DNAI4: variants seen among roughly 807,000 people sequenced by gnomAD.
DNAI4 encodes the protein dynein axonemal intermediate chain 4.
In DNAI4, 85 loss-of-function variants were observed where a neutral mutation model predicts 105.8. The ratio of observed to expected loss-of-function variants is 0.80; its 90% CI spans 0.67 to 0.96. The LOEUF is 0.96. DNAI4 is among the 40% of genes least tolerant of loss of function. DNAI4 has a pLI of 0.00. For synonymous variants in DNAI4, 352 were observed against 331.5 expected (o/e 1.06, Z -0.67); for missense variants, 1,014 against 1,005.6 (o/e 1.01, Z -0.11).
In DNAI4 at chr1:66,822,472, G is replaced by A. The variant is rs1049381362; in HGVS notation, c.2385C>T (p.Phe795=). The change falls in exon 16 of 17, where the codon TTC becomes TTT. Residue 795 remains phenylalanine, a synonymous_variant. Coordinates refer to ENST00000371026, the MANE Select transcript of DNAI4 (RefSeq NM_024763.5). ...IVNTANPGIK[F]TTILFAKQTD... Reference sequence around the variant, plus strand: ...TTTGTTTGGCAAAGAGAATGGTTGTGAACTTGATTCCAGGGTTAGCAGTAT... The same window carrying A: ...TTTGTTTGGCAAAGAGAATGGTTGTAAACTTGATTCCAGGGTTAGCAGTAT... 3 of 1,612,672 alleles carry A rather than the reference G, an allele frequency of 1.9e-6. No individual in the cohort carries two copies. The South Asian group carries it at 3.3e-5, about 18-fold the overall frequency.
At chr1:66,896,832 C>T (rs1265339738) in intron 2 of DNAI4, among the ~76,000 whole-genome samples, 1 of 152,086 alleles carries the variant, frequency 6.6e-6, no homozygotes, top group South Asian at 2.1e-4. Context: ...ATAAATTACC[C>T]AGTATCAGGT....
At chr1:66,904,505 T>C (rs1370094897) in intron 2 of DNAI4, among the ~76,000 whole-genome samples, 4 of 152,170 alleles carry the variant, frequency 2.6e-5, no homozygotes. Context: ...TTAGCTCAAG[T>C]ATTTTGCTAA....
chr1:66,848,250 G>C (rs1386994975), intron 7 of DNAI4: 1 of 456,050 alleles, frequency 2.2e-6, no homozygotes, highest in Non-Finnish European at 4.4e-6. Flanking sequence ...TTCAAAGACA[G>C]CAACATTGAT....
chr1:66,862,932 G>T (rs1052645442), intron 6 of DNAI4, among the ~76,000 whole-genome samples: 6 of 152,110 alleles, frequency 3.9e-5, no homozygotes, highest in African/African-American at 1.4e-4. Flanking sequence ...ACAGGTATTT[G>T]CAAGCATCTG....
Position 66,890,923 on chromosome 1 carries a change from A to C in DNAI4, c.643+231T>G. ...CAGCAACAGCAGCAGCAGAAGCAGCAGCTGAGCTCTAACACAAAGCGCCAT... is the reference window on the plus strand; with the variant it reads ...CAGCAACAGCAGCAGCAGAAGCAGCCGCTGAGCTCTAACACAAAGCGCCAT... On this transcript the variant is annotated intron_variant, in intron 4 of 16. Coordinates refer to ENST00000371026, the MANE Select transcript of DNAI4 (RefSeq NM_024763.5). The surrounding 1 kb of genome is among the most constrained non-coding windows in gnomAD (Gnocchi z 4.1). 1.8e-6 allele frequency: 1 copy of C among 544,682 alleles called. No individual in the cohort carries two copies. 33.7% of individuals were successfully genotyped at this position (544,682 alleles called of 1,614,324 possible). A position where few individuals can be genotyped will look rare whatever the true frequency, so the allele number is the denominator to read the frequency against.
chr1:66,823,801 G>C (rs566973719), intron 15 of DNAI4, among the ~76,000 whole-genome samples: 1 of 150,294 alleles, frequency 6.7e-6, no homozygotes, highest in Non-Finnish European at 1.5e-5. Context: ...TGTAGATTCC[G>C]GATATTAGCC....
intron 7 of DNAI4, among the ~76,000 whole-genome samples, chr1:66,857,667 TG>T (rs558823992): frequency 3.8e-4 from 57 of 151,990 alleles, no homozygotes; most frequent in Admixed American, 2.0e-3. Context: ...CCCGAATAGC[TG>T]GGATTACAGG....
intron 1 of DNAI4, among the ~76,000 whole-genome samples, chr1:66,918,375 CA>C (rs1190407560): frequency 6.6e-6 from 1 of 152,128 alleles, no homozygotes; most frequent in Non-Finnish European, 1.5e-5. Flanking sequence ...TTCTTGGCCA[CA>C]AGTCTTCAAA....
chr1:66,921,467 A>C (rs1650472103), intron 1 of DNAI4: 1 of 152,228 alleles, frequency 6.6e-6, no homozygotes, highest in South Asian at 2.1e-4. Flanking sequence ...TTGTCTGTGA[A>C]ACTTCGTTTT....
At chr1:66,824,489 T>C (rs1195395651) in intron 15 of DNAI4, among the ~76,000 whole-genome samples, 1 of 152,066 alleles carries the variant, frequency 6.6e-6, no homozygotes, top group Admixed American at 6.5e-5. Flanking sequence ...AATCTGTAAA[T>C]TACCTTGGGC....
At chr1:66,889,796 C>T (rs1380433809) in intron 4 of DNAI4, among the ~76,000 whole-genome samples, 1 of 152,136 alleles carries the variant, frequency 6.6e-6, no homozygotes, top group African/African-American at 2.4e-5. Flanking sequence ...CCTTCTATTA[C>T]CTCATGTTTT....
chr1:66,835,150 A>T (rs922435581), intron 11 of DNAI4, among the ~76,000 whole-genome samples: 7 of 152,162 alleles, frequency 4.6e-5, no homozygotes, highest in African/African-American at 1.7e-4. Flanking sequence ...AAAGGTATGT[A>T]AGATTCAATC....
At chr1:66,837,381 A>C (rs1006952668) in intron 10 of DNAI4, among the ~76,000 whole-genome samples, 5 of 151,704 alleles carry the variant, frequency 3.3e-5, no homozygotes, top group Non-Finnish European at 5.9e-5. Context: ...AAAAAAAAAA[A>C]AAACATAATT....
At chr1:66,823,514 C>G (rs1201227642) in intron 15 of DNAI4, among the ~76,000 whole-genome samples, 2 of 147,958 alleles carry the variant, frequency 1.4e-5, no homozygotes, top group East Asian at 2.0e-4. Flanking sequence ...AACTAGTTTA[C>G]AGTCCCACCA....
chr1:66,921,541 C>A (rs1650480821), intron 1 of DNAI4: 1 of 152,228 alleles, frequency 6.6e-6, no homozygotes, highest in Non-Finnish European at 1.5e-5. Context: ...CCACCCCATT[C>A]TTTCCTTAAT....
intron 1 of DNAI4, among the ~76,000 whole-genome samples, chr1:66,915,170 A>T (rs192765412): frequency 3.2e-4 from 48 of 152,336 alleles, no homozygotes; most frequent in African/African-American, 1.1e-3. Context: ...GCTTAATGAA[A>T]ATAGCTCATC....
At chr1:66,913,920 G>C (rs1356549737) in intron 1 of DNAI4, among the ~76,000 whole-genome samples, 1 of 150,824 alleles carries the variant, frequency 6.6e-6, no homozygotes, top group African/African-American at 2.4e-5. Context: ...GCAGGCGGAG[G>C]TTGCAGTGAG....
At chr1:66,856,975 G>C (rs1646514956) in intron 7 of DNAI4, among the ~76,000 whole-genome samples, 1 of 151,710 alleles carries the variant, frequency 6.6e-6, no homozygotes, top group Non-Finnish European at 1.5e-5. Context: ...AAAAAGAAAA[G>C]TTTGAAATCA....
chr1:66,888,561 C>T (rs1392578632), intron 4 of DNAI4, among the ~76,000 whole-genome samples: 1 of 152,160 alleles, frequency 6.6e-6, no homozygotes, highest in Non-Finnish European at 1.5e-5. Context: ...GGCATGGTGG[C>T]AAGCGCCTGT....
Sources: allele counts gnomAD v4.1 joint callset (sites outside exome capture counted in the v4.1 genomes callset), GRCh38; gene constraint gnomAD v4.1.1; non-coding constraint Gnocchi (gnomAD v3.1); transcripts MANE v1.5; gene names NCBI Gene and HGNC (gene_info 2026-07-23, HGNC 2026-07-21).